The following EPHA5 variants were observed in gnomAD, a reference collection of about 807,000 sequenced individuals.
EPHA5 encodes EPH receptor A5, also known as ephrin type-A receptor 5.
Under a neutral mutation model 105.0 loss-of-function variants are expected in EPHA5, and 60 were observed. That is an observed-to-expected ratio of 0.57 (90% CI 0.46 to 0.71). EPHA5 has a LOEUF of 0.71. EPHA5 is among the 30% of genes least tolerant of loss of function. EPHA5 has a pLI of 0.00. For missense variants in EPHA5, 1,218 were observed against 1,274.7 expected (o/e 0.96, Z 0.68); for synonymous variants, 513 against 449.1 (o/e 1.14, Z -1.80).
intron 3 of EPHA5, among the ~76,000 whole-genome samples, chr4:65,501,922 A>G (rs11722482): frequency 0.29 from 43,675 of 151,558 alleles, 7,346 homozygotes; most frequent in Middle Eastern, 0.45. Flanking sequence ...CGAATGGAAC[A>G]TAATAGAGAA....
At chr4:65,635,479 T>G (rs934248282) in intron 2 of EPHA5, among the ~76,000 whole-genome samples, 2 of 152,036 alleles carry the variant, frequency 1.3e-5, no homozygotes, top group Non-Finnish European at 2.9e-5. Context: ...CTCAGGGGAA[T>G]GTAGTGGTTT....
intron 2 of EPHA5, 103 bp from the exon 3 acceptor site, chr4:65,602,407 A>G (rs1293394098): frequency 1.2e-6 from 1 of 863,450 alleles, no homozygotes; most frequent in Non-Finnish European, 1.7e-6. Context: ...ATATAGAAAT[A>G]TTCGTATCCT....
In EPHA5 at chr4:65,570,197, A is replaced by G. The variant is rs970193883; in HGVS notation, c.910+31444T>C. Among the ~76,000 whole-genome samples, 7 of 151,846 alleles carry G rather than the reference A, an allele frequency of 4.6e-5. No homozygotes were observed. In the South Asian group the frequency reaches 6.2e-4, roughly 13 times the overall value. On this transcript the variant is annotated intron_variant, in intron 3 of 16. Transcript: ENST00000613740. ...ATGATAGAACTATACTCCTAACTAC[A>G]CTCACTCTTAATTCCAAACTACATC... is the stretch of plus-strand genomic sequence containing the variant.
intron 4 of EPHA5, among the ~76,000 whole-genome samples, chr4:65,490,928 A>G (rs1731343054): frequency 6.6e-6 from 1 of 152,216 alleles, no homozygotes; most frequent in African/African-American, 2.4e-5. Flanking sequence ...ACACTAGTTC[A>G]GTAAAAGCAG....
intron 3 of EPHA5, among the ~76,000 whole-genome samples, chr4:65,503,562 T>C (rs956853619): frequency 4.6e-5 from 7 of 151,732 alleles, no homozygotes; most frequent in Non-Finnish European, 1.0e-4. Flanking sequence ...AATCTCTCAA[T>C]ACAATGTATT....
chr4:65,509,656 T>A (rs888428248), intron 3 of EPHA5, among the ~76,000 whole-genome samples: 2 of 152,152 alleles, frequency 1.3e-5, no homozygotes, highest in Non-Finnish European at 2.9e-5. Flanking sequence ...CCACTATTTA[T>A]CAGAACATTC....
At chr4:65,442,245 C>T (rs1163980122) in intron 5 of EPHA5, among the ~76,000 whole-genome samples, 1 of 151,976 alleles carries the variant, frequency 6.6e-6, no homozygotes, top group East Asian at 1.9e-4. Flanking sequence ...TAGGGTGGGG[C>T]CTCCATGAGA....
At chr4:65,374,460 T>G (rs574837013) in intron 8 of EPHA5, among the ~76,000 whole-genome samples, 1 of 152,078 alleles carries the variant, frequency 6.6e-6, no homozygotes, top group Non-Finnish European at 1.5e-5. Flanking sequence ...ATTTTTAAAC[T>G]GATGGATGTG....
In EPHA5 at chr4:65,500,160, G is replaced by C. The variant is rs527352496; in HGVS notation, c.911-4617C>G. Reference sequence around the variant, plus strand: ...TTTATTTAAATACCAATCCAAAATGGTTTATTAAAAATAAACGAAGCTTCT... The same window carrying C: ...TTTATTTAAATACCAATCCAAAATGCTTTATTAAAAATAAACGAAGCTTCT... On this transcript the variant is annotated intron_variant, in intron 3 of 16. Coordinates refer to ENST00000613740, the MANE Select transcript of EPHA5 (RefSeq NM_001281766.3). Among the ~76,000 whole-genome samples the C allele has an allele frequency of 1.5e-3, 227 of 151,132 alleles. 1 individual carries two copies. The highest frequency in any genetic ancestry group is 2.3e-3 in the Non-Finnish European group (155 of 67,438).
chr4:65,574,403 AT>A (rs1388813480), intron 3 of EPHA5: 1 of 658,070 alleles, frequency 1.5e-6, no homozygotes, highest in Non-Finnish European at 2.1e-6. Flanking sequence ...AAATAAAAAA[AT>A]ACTCAAATAA....
intron 5 of EPHA5, among the ~76,000 whole-genome samples, chr4:65,468,314 C>T (rs924223482): frequency 1.7e-4 from 26 of 151,240 alleles, no homozygotes; most frequent in Middle Eastern, 3.4e-3. Flanking sequence ...TATCACATAG[C>T]CAAGCATGCT....
At chr4:65,520,926 A>G (rs9759445) in intron 3 of EPHA5, among the ~76,000 whole-genome samples, 114,647 of 151,992 alleles carry the variant, frequency 0.75, 43,381 homozygotes, top group East Asian at 0.87. Context: ...CACTGTTGGT[A>G]GGACTGTAAA....
chr4:65,329,596 A>C (rs2148791759), intron 16 of EPHA5, among the ~76,000 whole-genome samples: 1 of 151,536 alleles, frequency 6.6e-6, no homozygotes, highest in African/African-American at 2.4e-5. Flanking sequence ...ACAGTTATGA[A>C]TGTATTCTTC....
rs2148812239 is a variant in EPHA5 at position 65,335,922 on chromosome 4, G to T, written c.2789+10C>A. 6.3e-7 allele frequency: 1 copy of T among 1,597,902 alleles called. No individual in the cohort carries two copies. The highest frequency in any genetic ancestry group is 8.5e-7 in the Non-Finnish European group (1 of 1,171,628). On this transcript the variant is annotated intron_variant, in intron 15 of 16. Transcript: ENST00000613740. ...ACATTCTGGAAAATCACTCGGATCT[G>T]GCCTTGTACCTGCAGGATGCATTAA...
chr4:65,489,901 C>T (rs992799946), intron 5 of EPHA5, among the ~76,000 whole-genome samples: 10 of 151,958 alleles, frequency 6.6e-5, no homozygotes, highest in African/African-American at 1.9e-4. Flanking sequence ...ATTTTTGCTA[C>T]AATAGTTGAA....
chr4:65,407,612 G>A (rs935337672), intron 7 of EPHA5, among the ~76,000 whole-genome samples: 1 of 151,572 alleles, frequency 6.6e-6, no homozygotes, highest in Non-Finnish European at 1.5e-5. Flanking sequence ...GATCATTTTT[G>A]TATAAAAAGC....
intron 3 of EPHA5, among the ~76,000 whole-genome samples, chr4:65,574,611 TACATATATATATATAC>T (rs1740621106): frequency 8.5e-6 from 1 of 117,454 alleles, no homozygotes; most frequent in African/African-American, 3.1e-5. Context: ...TATATATATA[TACATATATATATATAC>T]ACATATATAT....
rs2149212631 is a variant in EPHA5, at chr4:65,490,461, C to T, written c.1318G>A (p.Glu440Lys). 6.2e-7 allele frequency: 1 copy of T among 1,614,100 alleles called. No individual in the cohort carries two copies. The highest frequency in any genetic ancestry group is 8.5e-7 in the Non-Finnish European group (1 of 1,180,014). Reference sequence around the variant, plus strand: ...GACACTCCATTCACTGCCTCAATCTCAAAGGTATAGTTTGTGTGAGCGAGT... The same window carrying T: ...GACACTCCATTCACTGCCTCAATCTTAAAGGTATAGTTTGTGTGAGCGAGT... ...DLLAHTNYTF[E>K]IEAVNGVSDL... Residue 440 changes from glutamate to lysine, a missense_variant, in exon 5 of 17, where the codon GAG becomes AAG. Physicochemically the swap from Glu to Lys is moderately conservative, Grantham distance 56. Transcript: ENST00000613740.
intron 3 of EPHA5, among the ~76,000 whole-genome samples, chr4:65,497,761 C>A (rs755490914): frequency 8.6e-5 from 13 of 151,882 alleles, no homozygotes; most frequent in Non-Finnish European, 1.8e-4. Context: ...GCTGTTCAAA[C>A]CCCAAAGGGA....
Sources: allele counts gnomAD v4.1 joint callset (sites outside exome capture counted in the v4.1 genomes callset), GRCh38; gene constraint gnomAD v4.1.1; transcripts MANE v1.5; gene names NCBI Gene and HGNC (gene_info 2026-07-23, HGNC 2026-07-21).